KCNH1: variants seen among roughly 807,000 people sequenced by gnomAD.
KCNH1 encodes the protein voltage-gated delayed rectifier potassium channel KCNH1.
In KCNH1, 27 loss-of-function variants were observed where a neutral mutation model predicts 69.2. The ratio of observed to expected loss-of-function variants is 0.39; its 90% CI spans 0.29 to 0.54. The LOEUF is 0.54. KCNH1 is among the 20% of genes least tolerant of loss of function. The pLI is 0.68. For missense variants in KCNH1, 798 were observed against 1,261.6 expected (o/e 0.63, Z 5.57); for synonymous variants, 456 against 487.7 (o/e 0.93, Z 0.86).
rs1691929945 is a variant in KCNH1 at position 211,134,046 on chromosome 1, C to T, written c.-101G>A. 9.9e-7 allele frequency: 1 copy of T among 1,008,660 alleles called. No individual in the cohort carries two copies. Among genetic ancestry groups the T allele is most frequent in the East Asian group, 2.7e-5 (1 of 37,486 alleles). The allele number at this position is 1,008,660 out of a possible 1,614,324, so 62.5% of individuals were successfully genotyped here. ...GCACGCAGTCCCGGCTCGAAGCGCC[C>T]CATGCGCCCGGCGGGGATCCGCAGG... is the stretch of plus-strand genomic sequence containing the variant. On this transcript the variant is annotated 5_prime_UTR_variant, in exon 1 of 11. Coordinates refer to ENST00000271751, the MANE Select transcript of KCNH1 (RefSeq NM_172362.3). The surrounding 1 kb of genome is among the most constrained non-coding windows in gnomAD (Gnocchi z 5.7).
chr1:210,715,581 AT>A (rs1305173032), intron 10 of KCNH1, among the ~76,000 whole-genome samples: 1 of 151,994 alleles, frequency 6.6e-6, no homozygotes, highest in Non-Finnish European at 1.5e-5. Flanking sequence ...CTAATCTTTC[AT>A]AAAAACATCC....
rs111858642 is a variant in KCNH1 at position 210,848,684 on chromosome 1, T to C, written c.1463-44518A>G. ...ATAGAATCTTGGTCACGTGACATTT[T>C]TCTGTATGAAAAATAAATTAGGTTC... On this transcript the variant is annotated intron_variant, in intron 7 of 10. Transcript: ENST00000271751. Among the ~76,000 whole-genome samples the C allele has an allele frequency of 8.0e-4, 122 of 152,360 alleles. No homozygotes were observed. In the Middle Eastern group the frequency reaches 0.024, roughly 30 times the overall value.
At chr1:210,819,971 T>C (rs1219335781) in intron 7 of KCNH1, among the ~76,000 whole-genome samples, 2 of 152,224 alleles carry the variant, frequency 1.3e-5, no homozygotes, top group Non-Finnish European at 2.9e-5. Flanking sequence ...GAGGGAGCCA[T>C]CTTGGAAGTG....
In KCNH1 at chr1:210,991,082, C is replaced by G. The variant is rs1501546; in HGVS notation, c.1032+27701G>C. 5.0e-3 allele frequency among the ~76,000 whole-genome samples: 767 copies of G among 152,216 alleles called. 9 individuals carry two copies. Among genetic ancestry groups the G allele is most frequent in the African/African-American group, 0.018 (731 of 41,530 alleles). On this transcript the variant is annotated intron_variant, in intron 6 of 10. Transcript: ENST00000271751. ...AACTAAAAATAAAATTACCATATGT[C>G]CCAGAATCCCACTTCTGGGTATATA...
At chr1:210,925,253 G>C (rs1687543914) in intron 6 of KCNH1, among the ~76,000 whole-genome samples, 1 of 152,218 alleles carries the variant, frequency 6.6e-6, no homozygotes, top group Non-Finnish European at 1.5e-5. Context: ...TGGCAGATAG[G>C]AGGCAGGACT....
At chr1:211,104,704 C>T (rs1691322214) in intron 2 of KCNH1, among the ~76,000 whole-genome samples, 1 of 152,198 alleles carries the variant, frequency 6.6e-6, no homozygotes, top group South Asian at 2.1e-4. Flanking sequence ...CCAGCATTTC[C>T]CCTGCCCACT....
At chr1:210,889,978 T>G (rs1686709722) in intron 7 of KCNH1, among the ~76,000 whole-genome samples, 1 of 152,174 alleles carries the variant, frequency 6.6e-6, no homozygotes. Context: ...CCAAAGTAAT[T>G]CATAAATTCA....
chr1:210,740,595 C>T (rs2149036601), intron 10 of KCNH1, among the ~76,000 whole-genome samples: 1 of 152,056 alleles, frequency 6.6e-6, no homozygotes, highest in Admixed American at 6.5e-5. Flanking sequence ...TTATTTCCCT[C>T]ACTCTCTGTT....
chr1:210,783,289 C>T (rs116786915), intron 9 of KCNH1, among the ~76,000 whole-genome samples: 2,093 of 152,308 alleles, frequency 0.014, 50 homozygotes, highest in African/African-American at 0.047. Context: ...CTTCAATCAA[C>T]ATTCAATGAC....
intron 1 of KCNH1, among the ~76,000 whole-genome samples, chr1:211,122,850 C>T (rs962823392): frequency 6.6e-6 from 1 of 151,720 alleles, no homozygotes; most frequent in Non-Finnish European, 1.5e-5. Flanking sequence ...AGGGAGAGAG[C>T]TTACAGAATG....
intron 6 of KCNH1, among the ~76,000 whole-genome samples, chr1:210,960,088 C>A (rs1299703746): frequency 1.3e-5 from 2 of 152,170 alleles, no homozygotes; most frequent in Non-Finnish European, 2.9e-5. Context: ...TCACCAGCAA[C>A]ATTTTATTAA....
At chr1:210,941,303 A>T (rs1687871555) in intron 6 of KCNH1, among the ~76,000 whole-genome samples, 1 of 152,230 alleles carries the variant, frequency 6.6e-6, no homozygotes, top group Non-Finnish European at 1.5e-5. Flanking sequence ...TCCTTGCCCA[A>T]CACCAAGCTT....
At chr1:210,873,198 G>C (rs1382429446) in intron 7 of KCNH1, among the ~76,000 whole-genome samples, 1 of 152,036 alleles carries the variant, frequency 6.6e-6, no homozygotes, top group Non-Finnish European at 1.5e-5. Context: ...CAATGGTCTT[G>C]TATGTAACAG....
intron 9 of KCNH1, among the ~76,000 whole-genome samples, chr1:210,791,692 A>G (rs1684217027): frequency 6.6e-6 from 1 of 152,214 alleles, no homozygotes; most frequent in South Asian, 2.1e-4. Flanking sequence ...GTCACTAGCC[A>G]TGCATTTGTC....
At chr1:210,798,859 G>T (rs936291794) in intron 8 of KCNH1, among the ~76,000 whole-genome samples, 1 of 152,140 alleles carries the variant, frequency 6.6e-6, no homozygotes, top group Non-Finnish European at 1.5e-5. Context: ...CAGATATAAA[G>T]TAACATTTAC....
intron 7 of KCNH1, among the ~76,000 whole-genome samples, chr1:210,843,907 T>C (rs983249845): frequency 1.3e-5 from 2 of 152,156 alleles, no homozygotes; most frequent in Admixed American, 6.5e-5. Context: ...TGAATAGCAA[T>C]TGACTCTGAG....
chr1:211,081,437 A>C (rs1330567033), intron 5 of KCNH1, among the ~76,000 whole-genome samples: 1 of 152,228 alleles, frequency 6.6e-6, no homozygotes, highest in Non-Finnish European at 1.5e-5. Context: ...AGAACTAGAA[A>C]TACCATTTGA....
intron 10 of KCNH1, among the ~76,000 whole-genome samples, chr1:210,722,973 AG>A (rs1429528010): frequency 7.9e-5 from 12 of 152,216 alleles, no homozygotes; most frequent in Admixed American, 1.3e-4. Context: ...GACAGACCTC[AG>A]GGAAGACAAC....
At chr1:210,868,656 A>G (rs1370441507) in intron 7 of KCNH1, among the ~76,000 whole-genome samples, 2 of 151,996 alleles carry the variant, frequency 1.3e-5, no homozygotes, top group Admixed American at 1.3e-4. Context: ...ATATCTTCTT[A>G]ACAACATTTA....
Sources: gnomAD v4.1 joint callset for allele counts (sites outside exome capture counted in the v4.1 genomes callset) on GRCh38, gnomAD v4.1.1 for gene constraint, Gnocchi (gnomAD v3.1) non-coding constraint, MANE v1.5 for transcripts, NCBI Gene and HGNC (gene_info 2026-07-23, HGNC 2026-07-21) for gene names.